Variants in PTPRN2 observed in about 807,000 individuals in gnomAD.
PTPRN2 encodes the protein receptor-type tyrosine-protein phosphatase N2.
PTPRN2 carries 74 observed loss-of-function variants against 118.8 expected under a neutral mutation model. That is an observed-to-expected ratio of 0.62 (90% CI 0.52 to 0.76). PTPRN2 has a LOEUF of 0.76. PTPRN2 is among the 30% of genes least tolerant of loss of function. PTPRN2 has a pLI of 0.00. For synonymous variants in PTPRN2, 641 were observed against 608.0 expected (o/e 1.05, Z -0.80); for missense variants, 1,481 against 1,394.4 (o/e 1.06, Z -0.99).
chr7:158,011,062 T>G (rs1356753415), intron 11 of PTPRN2, among the ~76,000 whole-genome samples: 1 of 152,160 alleles, frequency 6.6e-6, no homozygotes, highest in Non-Finnish European at 1.5e-5. Context: ...TGCACAGAGA[T>G]CCCAGCAAAC....
At chr7:157,913,913 C>A (rs530815904) in intron 11 of PTPRN2, among the ~76,000 whole-genome samples, 20 of 152,232 alleles carry the variant, frequency 1.3e-4, no homozygotes, top group African/African-American at 4.8e-4. Flanking sequence ...GAATAACTTG[C>A]TTATAAAATA....
chr7:158,517,434 T>C lies in PTPRN2; in HGVS notation c.113-27649A>G, dbSNP rs1236131445. 6.6e-6 allele frequency among the ~76,000 whole-genome samples: 1 copy of C among 152,048 alleles called. No homozygotes were observed. The highest frequency in any genetic ancestry group is 1.5e-5 in the Non-Finnish European group (1 of 67,996). ...GACCCTGTACCTAAATCCCTGCAGT[T>C]CCCAAGTCTCCCTCAGTCCTTCCCA... is the stretch of plus-strand genomic sequence containing the variant. On this transcript the variant is annotated intron_variant, in intron 1 of 22. Transcript: ENST00000389418. The surrounding 1 kb of genome is among the most constrained non-coding windows in gnomAD (Gnocchi z 5.3).
chr7:158,315,316 C>T (rs1322973514), intron 3 of PTPRN2, among the ~76,000 whole-genome samples: 2 of 130,230 alleles, frequency 1.5e-5, no homozygotes, highest in East Asian at 2.5e-4. Context: ...GAGGTGAACC[C>T]GGGACCCCCT....
intron 12 of PTPRN2, among the ~76,000 whole-genome samples, chr7:157,851,799 T>C (rs1187489087): frequency 6.6e-6 from 1 of 152,266 alleles, no homozygotes; most frequent in East Asian, 1.9e-4. Flanking sequence ...CAGACAGTGA[T>C]GTGAGACGCT....
chr7:157,867,744 A>G (rs11974905), intron 12 of PTPRN2, among the ~76,000 whole-genome samples: 51,374 of 152,178 alleles, frequency 0.34, 11,184 homozygotes, highest in African/African-American at 0.62. Context: ...CCACGCACTA[A>G]TGTTCATTCA....
chr7:158,473,259 T>G (rs1470820242), intron 2 of PTPRN2, among the ~76,000 whole-genome samples: 1 of 152,172 alleles, frequency 6.6e-6, no homozygotes, highest in Non-Finnish European at 1.5e-5. Context: ...CAGATTTCTC[T>G]AAACACTGCA....
chr7:157,645,681 C>T (rs549252968), intron 14 of PTPRN2, among the ~76,000 whole-genome samples: 54 of 152,276 alleles, frequency 3.5e-4, no homozygotes, highest in African/African-American at 9.1e-4. Flanking sequence ...CTCCTGAGAG[C>T]GGCGTCATGT....
chr7:158,231,324 G>A (rs951068800), intron 3 of PTPRN2, among the ~76,000 whole-genome samples: 1 of 152,160 alleles, frequency 6.6e-6, no homozygotes, highest in African/African-American at 2.4e-5. Flanking sequence ...AGAAGCGGCT[G>A]TGCTTATATC....
intron 12 of PTPRN2, among the ~76,000 whole-genome samples, chr7:157,852,741 C>G (rs753537735): frequency 6.6e-6 from 1 of 151,556 alleles, no homozygotes; most frequent in Non-Finnish European, 1.5e-5. Context: ...TGGTGGTGGG[C>G]GCCTGTAATC....
At chr7:158,149,628 A>T (rs1204743557) in intron 6 of PTPRN2, among the ~76,000 whole-genome samples, 2 of 152,004 alleles carry the variant, frequency 1.3e-5, no homozygotes, top group East Asian at 1.9e-4. Flanking sequence ...CATGGTGGAA[A>T]CCCCATCTCT....
rs116383384 is a variant in PTPRN2 at position 158,096,135 on chromosome 7, G to A, written c.1643+14694C>T. On this transcript the variant is annotated intron_variant, in intron 10 of 22. Coordinates refer to ENST00000389418, the MANE Select transcript of PTPRN2 (RefSeq NM_002847.5). The stretch of plus-strand genomic sequence containing the variant: ...CGCAATTGTCCAGCTAACATGTATT[G>A]CAAACCTCCACAGCAGACGTTATTC... 3.8e-3 allele frequency among the ~76,000 whole-genome samples: 574 copies of A among 152,264 alleles called. 5 individuals are homozygous for A. Among genetic ancestry groups the A allele is most frequent in the African/African-American group, 0.013 (560 of 41,550 alleles).
chr7:157,840,590 C>T (rs768499011), intron 12 of PTPRN2, among the ~76,000 whole-genome samples: 6 of 152,188 alleles, frequency 3.9e-5, no homozygotes, highest in African/African-American at 7.2e-5. Context: ...ACATCCGAGC[C>T]GGCTGAAGCC....
chr7:157,665,969 C>G (rs1367042085), intron 13 of PTPRN2, among the ~76,000 whole-genome samples: 1 of 152,190 alleles, frequency 6.6e-6, no homozygotes, highest in African/African-American at 2.4e-5. Flanking sequence ...GACCATCACA[C>G]ACCACAGCCT....
intron 12 of PTPRN2, among the ~76,000 whole-genome samples, chr7:157,792,075 C>T (rs537219764): frequency 6.6e-6 from 1 of 152,344 alleles, no homozygotes; most frequent in Non-Finnish European, 1.5e-5. Context: ...CAAAGTTGGG[C>T]GAAGTGGCCC....
At position 157,781,486 on chromosome 7, in the gene PTPRN2, C is replaced by T. The variant is rs553867611; in HGVS notation, c.1789-98549G>A. On this transcript the variant is annotated intron_variant, in intron 12 of 22. Coordinates refer to ENST00000389418, the MANE Select transcript of PTPRN2 (RefSeq NM_002847.5). Reference sequence around the variant, plus strand: ...ACCACTGCAATCAATTCTTCTGGGTCTGCTCTCAGACTTCAAGGTGAGATG... The same window carrying T: ...ACCACTGCAATCAATTCTTCTGGGTTTGCTCTCAGACTTCAAGGTGAGATG... Among the ~76,000 whole-genome samples the T allele has an allele frequency of 5.3e-5, 8 of 152,336 alleles. No homozygotes were observed. In the South Asian group the frequency reaches 1.7e-3, roughly 32 times the overall value.
At chr7:157,956,534 C>A (rs1801197293) in intron 11 of PTPRN2, among the ~76,000 whole-genome samples, 1 of 152,262 alleles carries the variant, frequency 6.6e-6, no homozygotes, top group African/African-American at 2.4e-5. Flanking sequence ...CTATCCCTAG[C>A]CCTCTTTGGG....
intron 11 of PTPRN2, among the ~76,000 whole-genome samples, chr7:158,000,078 G>A (rs1467783494): frequency 2.0e-5 from 3 of 151,940 alleles, no homozygotes; most frequent in African/African-American, 7.3e-5. Context: ...GTAGGGATGG[G>A]GCTTCACCAT....
chr7:158,019,384 G>A (rs1436613461), intron 11 of PTPRN2, among the ~76,000 whole-genome samples: 2 of 152,270 alleles, frequency 1.3e-5, no homozygotes, highest in Non-Finnish European at 2.9e-5. Context: ...GGGGGCAGAG[G>A]CCGTGGTGTT....
intron 12 of PTPRN2, among the ~76,000 whole-genome samples, chr7:157,715,732 A>G (rs2952635): frequency 0.86 from 131,370 of 152,280 alleles, 57,034 homozygotes; most frequent in African/African-American, 0.96. Context: ...TCCAAGCAGC[A>G]CATCGTGGAG....
Sources: gnomAD v4.1 joint callset for allele counts (sites outside exome capture counted in the v4.1 genomes callset) on GRCh38, gnomAD v4.1.1 for gene constraint, Gnocchi (gnomAD v3.1) non-coding constraint, MANE v1.5 for transcripts, NCBI Gene and HGNC (gene_info 2026-07-23, HGNC 2026-07-21) for gene names.